MAP3K19: variants seen among roughly 807,000 people sequenced by gnomAD.
MAP3K19 encodes SPS1/STE20-related protein kinase YSK4.
Under a neutral mutation model 114.4 loss-of-function variants are expected in MAP3K19, and 91 were observed. The observed-to-expected ratio is 0.80, with a 90% CI of 0.67 to 0.95. MAP3K19 has a LOEUF of 0.95. MAP3K19 is among the 40% of genes least tolerant of loss of function. The pLI is 0.00. For synonymous variants in MAP3K19, 518 were observed against 530.5 expected (o/e 0.98, Z 0.32); for missense variants, 1,471 against 1,573.2 (o/e 0.94, Z 1.10).
chr2:135,002,341 C>G (rs535377965), intron 6 of MAP3K19, among the ~76,000 whole-genome samples: 4 of 152,112 alleles, frequency 2.6e-5, no homozygotes, highest in African/African-American at 9.7e-5. Context: ...AACTTAAAAT[C>G]AGGCCCAGCT....
At position 134,964,999 on chromosome 2, in the gene MAP3K19, A is replaced by C. The variant is rs1573888078; in HGVS notation, c.3921-83T>G. On this transcript the variant is annotated intron_variant, in intron 12 of 12. Transcript: ENST00000392915. ...AGATCTACTTAAATGTGAACTTTTA[A>C]AGACGGAAATACAACTTCTGATAGT... 3.8e-6 allele frequency: 4 copies of C among 1,050,094 alleles called. No individual in the cohort carries two copies. The Admixed American group carries it at 6.4e-5, about 17-fold the overall frequency. The allele number at this position is 1,050,094 out of a possible 1,614,324, so 65.0% of individuals were successfully genotyped here. A position where few individuals can be genotyped will look rare whatever the true frequency, so the allele number is the denominator to read the frequency against.
At chr2:135,025,331 T>C (rs1332758228) in intron 3 of MAP3K19, among the ~76,000 whole-genome samples, 1 of 151,272 alleles carries the variant, frequency 6.6e-6, no homozygotes, top group African/African-American at 2.4e-5. Context: ...TGGAGCAATC[T>C]TGTCATAAAA....
At position 135,013,371 on chromosome 2, in the gene MAP3K19, C is replaced by T. The variant is rs994851794; in HGVS notation, c.139-7840G>A. On this transcript the variant is annotated intron_variant, in intron 5 of 12. Transcript: ENST00000392915. ...AGGTATAGGGATTTCCCATATACCC[C>T]CTGCTCCCATACATGCACAGCCTCA... is the stretch of plus-strand genomic sequence containing the variant. Among the ~76,000 whole-genome samples the T allele has an allele frequency of 3.2e-4, 49 of 151,880 alleles. 1 individual carries two copies. Among genetic ancestry groups the T allele is most frequent in the Non-Finnish European group, 8.8e-5 (6 of 67,998 alleles).
chr2:135,023,880 T>C (rs770028945), intron 4 of MAP3K19, among the ~76,000 whole-genome samples: 2 of 151,942 alleles, frequency 1.3e-5, no homozygotes, highest in Non-Finnish European at 2.9e-5. Context: ...CTTAAAATTC[T>C]TTAGTGTCTG....
intron 5 of MAP3K19, among the ~76,000 whole-genome samples, chr2:135,019,088 A>G (rs1238437013): frequency 6.6e-6 from 1 of 152,040 alleles, no homozygotes; most frequent in African/African-American, 2.4e-5. Context: ...TCAAAAAAAA[A>G]GAAAAAAAAA....
At chr2:135,023,291 T>G (rs1688104639) in intron 4 of MAP3K19, 2 of 369,702 alleles carry the variant, frequency 5.4e-6, no homozygotes, top group Non-Finnish European at 1.1e-5. Flanking sequence ...ATTCTCCTCC[T>G]CCTCTCACTT....
Position 135,001,951 on chromosome 2 carries a change from T to C in MAP3K19, c.236-1936A>G, listed in dbSNP as rs557612640. ...CACCGTCCTAATTGTTGGTCCTAAA[T>C]TGGAAAAAAGATTACAGAATATTGA... On this transcript the variant is annotated intron_variant, in intron 6 of 12. Coordinates refer to ENST00000392915, the MANE Select transcript of MAP3K19 (RefSeq NM_025052.5). Among the ~76,000 whole-genome samples the C allele has an allele frequency of 2.6e-5, 4 of 152,290 alleles. No individual in the cohort carries two copies. In the South Asian group the frequency reaches 6.2e-4, roughly 24 times the overall value.
At chr2:135,036,630 C>G (rs975182015) in intron 2 of MAP3K19, among the ~76,000 whole-genome samples, 3 of 139,342 alleles carry the variant, frequency 2.2e-5, no homozygotes, top group African/African-American at 8.4e-5. Flanking sequence ...AGTTGGAGTT[C>G]AACATTATGT....
intron 12 of MAP3K19, among the ~76,000 whole-genome samples, chr2:134,974,781 G>A (rs554997891): frequency 3.1e-4 from 47 of 152,108 alleles, no homozygotes; most frequent in Non-Finnish European, 4.7e-4. Flanking sequence ...GTCTATTGTC[G>A]AAGCTCTTGA....
At chr2:134,975,635 G>A (rs1684186592) in intron 12 of MAP3K19, among the ~76,000 whole-genome samples, 1 of 152,134 alleles carries the variant, frequency 6.6e-6, no homozygotes. Flanking sequence ...CTATAGCCCT[G>A]CTACTGGTGG....
At chr2:135,014,774 T>C (rs1461226240) in intron 5 of MAP3K19, among the ~76,000 whole-genome samples, 1 of 152,230 alleles carries the variant, frequency 6.6e-6, no homozygotes, top group Non-Finnish European at 1.5e-5. Flanking sequence ...TGTTTTTATA[T>C]AAATAGACCC....
intron 3 of MAP3K19, among the ~76,000 whole-genome samples, chr2:135,028,693 C>T (rs1310449468): frequency 6.6e-6 from 1 of 152,094 alleles, no homozygotes; most frequent in Non-Finnish European, 1.5e-5. Flanking sequence ...AACTGAAAAG[C>T]TACCGCAGGC....
intron 5 of MAP3K19, among the ~76,000 whole-genome samples, chr2:135,020,298 C>T (rs1385320899): frequency 6.6e-6 from 1 of 152,104 alleles, no homozygotes. Context: ...GGATTACTGG[C>T]GTGAGCCACC....
chr2:135,022,214 G>A (rs1688028552), intron 4 of MAP3K19, among the ~76,000 whole-genome samples: 1 of 152,170 alleles, frequency 6.6e-6, no homozygotes, highest in Non-Finnish European at 1.5e-5. Context: ...CTTAACAAGA[G>A]TCAGATTTTA....
chr2:135,044,516 G>A (rs531497621), intron 1 of MAP3K19, among the ~76,000 whole-genome samples: 2 of 152,286 alleles, frequency 1.3e-5, no homozygotes, highest in African/African-American at 4.8e-5. Flanking sequence ...CTTGAACCTG[G>A]GAGGCAGAGG....
Position 134,998,774 on chromosome 2 carries a change from G to A in MAP3K19, c.538C>T (p.Pro180Ser), listed in dbSNP as rs764278902. ...CTTTGCTGCTCCTTCAGAAAATGAGGAGCATCTTCTCTGGTTACAGACTTG... is the reference window on the plus strand; with the variant it reads ...CTTTGCTGCTCCTTCAGAAAATGAGAAGCATCTTCTCTGGTTACAGACTTG... Reference protein sequence around the residue: ...ISKSVTREDAPHFLKEQQRKS... With the variant: ...ISKSVTREDASHFLKEQQRKS... The change falls in exon 8 of 13, where the codon CCT becomes TCT. Residue 180 changes from proline (P) to serine (S), a missense_variant. Coordinates refer to ENST00000392915, the MANE Select transcript of MAP3K19 (RefSeq NM_025052.5). The A allele has an allele frequency of 4.4e-6, 7 of 1,602,712 alleles. No individual in the cohort carries two copies. The highest frequency in any genetic ancestry group is 1.7e-5 in the Admixed American group (1 of 58,634).
chr2:134,981,445 A>C lies in MAP3K19; in HGVS notation c.3296T>G (p.Leu1099Ter), dbSNP rs750294347. Residue 1099 changes from leucine to a stop codon, truncating the protein, a stop_gained, in exon 12 of 13, where the codon TTA (leucine) becomes TGA (stop). Transcript: ENST00000392915. LOFTEE classifies it high-confidence loss of function. ...KQVALDTSNK[L>*]AAEKEYRKLQ... ...TTTCCGGTATTCCTTTTCAGCAGCT[A>C]ATTTATTAGAGGTATCCAAAGCCAC... 1.2e-6 allele frequency: 2 copies of C among 1,614,074 alleles called. No homozygotes were observed. Among genetic ancestry groups the C allele is most frequent in the African/African-American group, 2.7e-5 (2 of 74,916 alleles).
At chr2:135,027,163 G>T (rs13408096) in intron 3 of MAP3K19, among the ~76,000 whole-genome samples, 47,068 of 151,580 alleles carry the variant, frequency 0.31, 11,035 homozygotes, top group African/African-American at 0.64. Flanking sequence ...GAGGATCCAT[G>T]GAGCCCAGGA....
Position 134,987,601 on chromosome 2 carries a change from T to G in MAP3K19, c.1271A>C (p.Lys424Thr), listed in dbSNP as rs756014611. Residue 424 changes from lysine (K) to threonine (T), a missense_variant, in exon 10 of 13, where the codon AAA becomes ACA. Transcript: ENST00000392915. ...KAASKRVSLH[K>T]NEAMEPNNIL... The stretch of plus-strand genomic sequence containing the variant: ...ATTGTTTGGTTCCATTGCTTCATTT[T>G]TATGTAATGAAACTCTTTTTGAAGC... 3.1e-6 allele frequency: 5 copies of G among 1,614,142 alleles called. No individual in the cohort carries two copies. Among genetic ancestry groups the G allele is most frequent in the Non-Finnish European group, 4.2e-6 (5 of 1,180,020 alleles).
Sources: gnomAD v4.1 joint callset for allele counts (sites outside exome capture counted in the v4.1 genomes callset) on GRCh38, gnomAD v4.1.1 for gene constraint, MANE v1.5 for transcripts, NCBI Gene and HGNC (gene_info 2026-07-23, HGNC 2026-07-21) for gene names.